The following GALNT17 variants were observed in gnomAD, a reference collection of about 807,000 sequenced individuals.
The protein encoded by GALNT17 is UDP-GalNAc:polypeptide N-acetylgalactosaminyltransferase-like 3.
A neutral mutation model predicts 63.7 loss-of-function variants in GALNT17; 29 were observed. The observed-to-expected ratio is 0.46, with a 90% confidence interval of 0.34 to 0.62. The LOEUF (loss-of-function observed/expected upper bound fraction) is 0.62, where lower values mean the gene tolerates loss of function less well. Among genes scored for constraint, GALNT17 ranks in the 20% least tolerant of loss-of-function variants. GALNT17 has a pLI of 0.01. For synonymous variants in GALNT17, 305 were observed against 318.3 expected, an observed-to-expected ratio of 0.96 and a Z score of 0.45; for missense variants, 603 against 799.6, an observed-to-expected ratio of 0.75 and a Z score of 2.97.
chr7:71,436,673 C>T (rs929033574), intron 5 of GALNT17, among the ~76,000 whole-genome samples: 2 of 148,746 alleles, frequency 1.3e-5, no homozygotes, highest in African/African-American at 4.9e-5. Flanking sequence ...GAGCTGAGAT[C>T]GCACCACTGC....
At chr7:71,340,314 G>A (rs531621869) in intron 2 of GALNT17, among the ~76,000 whole-genome samples, 5 of 152,270 alleles carry the variant, frequency 3.3e-5, no homozygotes, top group African/African-American at 7.2e-5. Flanking sequence ...GGTGGCCTTG[G>A]ACAGAGGATA....
chr7:71,169,992 G>A (rs957136335), intron 1 of GALNT17, among the ~76,000 whole-genome samples: 1 of 151,212 alleles, frequency 6.6e-6, no homozygotes, highest in Non-Finnish European at 1.5e-5. Context: ...TTTTTAGATG[G>A]GGTCTTGCTA....
Position 71,255,669 on chromosome 7 carries a change from G to A in GALNT17, c.239-79881G>A, listed in dbSNP as rs1420684422. Reference sequence around the variant, plus strand: ...AGGTGTCCCCTCTGGAGAGAGTGTGGTGATGTGTTCATAGGGAAAGTAGCT... The same window carrying A: ...AGGTGTCCCCTCTGGAGAGAGTGTGATGATGTGTTCATAGGGAAAGTAGCT... On this transcript the variant is annotated intron_variant, in intron 1 of 10. Transcript: ENST00000333538. 1.2e-4 allele frequency among the ~76,000 whole-genome samples: 18 copies of A among 152,162 alleles called. 1 individual carries two copies. The highest frequency in any genetic ancestry group is 4.1e-4 in the South Asian group (2 of 4,830).
intron 1 of GALNT17, among the ~76,000 whole-genome samples, chr7:71,194,607 G>T (rs1025774419): frequency 1.3e-5 from 2 of 152,178 alleles, no homozygotes; most frequent in Non-Finnish European, 2.9e-5. Context: ...GGTCAGCAGG[G>T]TGACAGCCTG....
chr7:71,509,241 C>T (rs1432609260), intron 5 of GALNT17, among the ~76,000 whole-genome samples: 1 of 152,212 alleles, frequency 6.6e-6, no homozygotes, highest in Non-Finnish European at 1.5e-5. Context: ...TCCCCGACAG[C>T]CGGCTAATGT....
intron 5 of GALNT17, among the ~76,000 whole-genome samples, chr7:71,455,319 G>A (rs970563635): frequency 3.3e-5 from 5 of 152,118 alleles, no homozygotes; most frequent in Admixed American, 1.3e-4. Flanking sequence ...CTTAATGGCA[G>A]TTAGGGAGGG....
chr7:71,600,439 G>T (rs1584081262), intron 6 of GALNT17, among the ~76,000 whole-genome samples: 2 of 152,104 alleles, frequency 1.3e-5, no homozygotes, highest in Admixed American at 1.3e-4. Flanking sequence ...CGGAAAACCA[G>T]AGACTCATGG....
intron 9 of GALNT17, among the ~76,000 whole-genome samples, chr7:71,698,177 C>G (rs1466604217): frequency 6.6e-6 from 1 of 151,122 alleles, no homozygotes; most frequent in East Asian, 1.9e-4. Flanking sequence ...TATCAGTGAG[C>G]TTTTGCTGCA....
At chr7:71,321,176 A>G (rs1213113918) in intron 1 of GALNT17, among the ~76,000 whole-genome samples, 2 of 152,210 alleles carry the variant, frequency 1.3e-5, no homozygotes, top group Non-Finnish European at 2.9e-5. Flanking sequence ...TCAATTCAGC[A>G]TATTTCTTAC....
chr7:71,146,819 A>G (rs935355109), intron 1 of GALNT17, among the ~76,000 whole-genome samples: 10 of 152,216 alleles, frequency 6.6e-5, no homozygotes, highest in Admixed American at 3.3e-4. Flanking sequence ...TTTGCCATGC[A>G]TGAGTAATAA....
intron 9 of GALNT17, among the ~76,000 whole-genome samples, chr7:71,688,885 G>C (rs1292605142): frequency 6.6e-6 from 1 of 152,116 alleles, no homozygotes; most frequent in East Asian, 1.9e-4. Context: ...TTTTTTCACA[G>C]ATCGAAGGGT....
intron 5 of GALNT17, among the ~76,000 whole-genome samples, chr7:71,556,725 A>ATTTTG (rs1211673476): frequency 8.1e-4 from 122 of 151,116 alleles, no homozygotes; most frequent in African/African-American, 2.7e-3. Context: ...ACACCCAGCT[A>ATTTTG]TTTTGTTTTG....
At chr7:71,333,910 C>A (rs917263378) in intron 1 of GALNT17, among the ~76,000 whole-genome samples, 1 of 152,156 alleles carries the variant, frequency 6.6e-6, no homozygotes, top group Non-Finnish European at 1.5e-5. Flanking sequence ...TGTTTGTACT[C>A]AACATGGGAA....
chr7:71,306,692 A>G (rs1791305536), intron 1 of GALNT17, among the ~76,000 whole-genome samples: 1 of 152,172 alleles, frequency 6.6e-6, no homozygotes, highest in African/African-American at 2.4e-5. Context: ...CACCAACTTA[A>G]TGTATCCTCT....
At chr7:71,152,872 A>G (rs1788159474) in intron 1 of GALNT17, among the ~76,000 whole-genome samples, 1 of 152,104 alleles carries the variant, frequency 6.6e-6, no homozygotes, top group South Asian at 2.1e-4. Context: ...ACCTCAGGTG[A>G]TCCACCTGCC....
chr7:71,512,687 T>G (rs1462296936), intron 5 of GALNT17, among the ~76,000 whole-genome samples: 2 of 152,186 alleles, frequency 1.3e-5, no homozygotes, highest in Non-Finnish European at 2.9e-5. Flanking sequence ...AGTGGCCCAC[T>G]TTGGCTGTGC....
chr7:71,698,822 C>A (rs1791582756), intron 9 of GALNT17, among the ~76,000 whole-genome samples: 1 of 152,060 alleles, frequency 6.6e-6, no homozygotes, highest in Non-Finnish European at 1.5e-5. Context: ...ACAGAGATTG[C>A]CACCTTAAAT....
At chr7:71,619,654 C>T (rs1038689105) in intron 6 of GALNT17, among the ~76,000 whole-genome samples, 3 of 152,132 alleles carry the variant, frequency 2.0e-5, no homozygotes, top group African/African-American at 7.2e-5. Flanking sequence ...TATCCTGAAA[C>T]TTTACTTAAG....
At chr7:71,226,178 C>T (rs1789676683) in intron 1 of GALNT17, among the ~76,000 whole-genome samples, 1 of 152,142 alleles carries the variant, frequency 6.6e-6, no homozygotes, top group African/African-American at 2.4e-5. Context: ...CAGGGTCCTT[C>T]TTTAGGAACT....
Sources: allele counts gnomAD v4.1 joint callset (sites outside exome capture counted in the v4.1 genomes callset), GRCh38; gene constraint gnomAD v4.1.1; transcripts MANE v1.5; gene names NCBI Gene and HGNC (gene_info 2026-07-23, HGNC 2026-07-21).